DPPA2: variants seen among roughly 807,000 people sequenced by gnomAD.
The protein encoded by DPPA2 is developmental pluripotency-associated protein 2.
Under a neutral mutation model 36.2 loss-of-function variants are expected in DPPA2, and 26 were observed. The ratio of observed to expected loss-of-function variants is 0.72; its 90% CI spans 0.53 to 1.00. The LOEUF is 1.00. Among genes scored for constraint, DPPA2 ranks in the 50% least tolerant of loss-of-function variants. The probability of loss-of-function intolerance (pLI) is 0.00; values close to 1 mark genes in which losing one functional copy is unlikely to be tolerated. For missense variants in DPPA2, 361 were observed against 365.1 expected (o/e 0.99, Z 0.09); for synonymous variants, 113 against 123.2 (o/e 0.92, Z 0.55).
chr3:109,297,719 G>A (rs1707379175), intron 8 of DPPA2, among the ~76,000 whole-genome samples: 1 of 152,168 alleles, frequency 6.6e-6, no homozygotes, highest in Non-Finnish European at 1.5e-5. Flanking sequence ...GACAACACAT[G>A]GAGGAATCTT....
At position 109,314,527 on chromosome 3, in the gene DPPA2, A is replaced by G. The variant is rs138023327; in HGVS notation, c.16T>C (p.Leu6=). Residue 6 remains leucine (L), a synonymous_variant, in exon 2 of 9, where the codon TTG becomes CTG. Transcript: ENST00000478945. MSDAN[L]DSSKKNFLEG... is the part of the protein sequence containing the mutation. ...AAACTTACCTTCTTGCTGCTATCCAAATTTGCATCTGACATTTTCAGCAAC... is the reference window on the plus strand; with the variant it reads ...AAACTTACCTTCTTGCTGCTATCCAGATTTGCATCTGACATTTTCAGCAAC... 8,354 of 1,610,348 alleles carry G rather than the reference A, an allele frequency of 5.2e-3. 30 individuals carry two copies. The highest frequency in any genetic ancestry group is 6.3e-3 in the Non-Finnish European group (7,452 of 1,177,450).
At position 109,304,569 on chromosome 3, in the gene DPPA2, G is replaced by A. The variant is rs1707515092; in HGVS notation, c.760C>T (p.His254Tyr). ...AAGAAGAGAGAAATCATCCTCCTGTGAGTGGTAGGCACCCAGGCCTGACCT... is the reference window on the plus strand; with the variant it reads ...AAGAAGAGAGAAATCATCCTCCTGTAAGTGGTAGGCACCCAGGCCTGACCT... ...HAGQAWVPTTHRRMISLFLLP... is the reference protein window; with the variant it reads ...HAGQAWVPTTYRRMISLFLLP... Residue 254 changes from histidine (H) to tyrosine (Y), a missense_variant, in exon 7 of 9, where the codon CAC (histidine) becomes TAC (tyrosine). By Grantham distance (83) the His-to-Tyr change is moderately conservative (BLOSUM62 2). Coordinates refer to ENST00000478945, the MANE Select transcript of DPPA2 (RefSeq NM_138815.4). 1.2e-6 allele frequency: 2 copies of A among 1,613,992 alleles called. No individual in the cohort carries two copies. Among genetic ancestry groups the A allele is most frequent in the African/African-American group, 2.7e-5 (2 of 74,902 alleles).
intron 5 of DPPA2, 84 bp downstream of exon 5, chr3:109,308,942 A>G (rs1707635777): frequency 2.0e-6 from 3 of 1,506,918 alleles, no homozygotes; most frequent in African/African-American, 1.4e-5. Flanking sequence ...TAGAGGTACA[A>G]CACATAGATA....
intron 8 of DPPA2, among the ~76,000 whole-genome samples, chr3:109,295,858 C>T (rs1018159447): frequency 6.6e-6 from 1 of 151,862 alleles, no homozygotes; most frequent in Non-Finnish European, 1.5e-5. Flanking sequence ...GATGGAAATT[C>T]CAAGAATCAA....
chr3:109,299,758 T>TG (rs889219270), intron 8 of DPPA2, among the ~76,000 whole-genome samples: 6 of 149,870 alleles, frequency 4.0e-5, no homozygotes, highest in African/African-American at 1.5e-4. Flanking sequence ...CATTAGTTTT[T>TG]TTTTTTTTTT....
intron 8 of DPPA2, among the ~76,000 whole-genome samples, chr3:109,298,435 C>T (rs995881032): frequency 2.6e-5 from 4 of 152,008 alleles, no homozygotes; most frequent in Non-Finnish European, 5.9e-5. Flanking sequence ...AATAAAATAG[C>T]CGGGCACGGT....
intron 7 of DPPA2, 67 bp downstream of exon 7, chr3:109,304,408 T>C (rs1707511284): frequency 6.9e-7 from 1 of 1,449,540 alleles, no homozygotes; most frequent in Admixed American, 2.4e-5. Flanking sequence ...ACTGTTAAAT[T>C]ATTTAGAAAT....
chr3:109,301,319 G>T (rs572107513), intron 7 of DPPA2, among the ~76,000 whole-genome samples: 1 of 151,984 alleles, frequency 6.6e-6, no homozygotes, highest in East Asian at 1.9e-4. Context: ...TCTTCATGCA[G>T]CTCCTCCCCA....
intron 3 of DPPA2, among the ~76,000 whole-genome samples, chr3:109,309,550 C>A (rs991228871): frequency 6.6e-6 from 1 of 151,236 alleles, no homozygotes. Context: ...CTTAGCCGGG[C>A]GTGCTGGCGG....
intron 2 of DPPA2, among the ~76,000 whole-genome samples, chr3:109,312,925 T>C (rs556447070): frequency 1.4e-4 from 22 of 151,960 alleles, no homozygotes; most frequent in Non-Finnish European, 2.6e-4. Flanking sequence ...AAAGAGAAAA[T>C]AGAAGGGTAG....
chr3:109,308,368 C>CTTT, intron 5 of DPPA2, 75 bp from the exon 6 acceptor site: 1 of 1,125,814 alleles, frequency 8.9e-7, no homozygotes, highest in Non-Finnish European at 1.2e-6. Context: ...TTTTATTATT[C>CTTT]TTTTTTTTTT....
At chr3:109,301,050 C>T (rs1707449299) in intron 7 of DPPA2, among the ~76,000 whole-genome samples, 1 of 150,020 alleles carries the variant, frequency 6.7e-6, no homozygotes, top group Non-Finnish European at 1.5e-5. Flanking sequence ...GTGGCACTAT[C>T]ACAGTTCACT....
At chr3:109,307,886 T>C (rs1021678004) in intron 6 of DPPA2, 146 bp downstream of exon 6, 38 of 1,102,248 alleles carry the variant, frequency 3.4e-5, no homozygotes, top group African/African-American at 6.4e-5. Flanking sequence ...ATATGACAGA[T>C]AGAAGAAAGA....
At chr3:109,307,919 T>C in intron 6 of DPPA2, 113 bp downstream of exon 6, 1 of 1,355,426 alleles carries the variant, frequency 7.4e-7, no homozygotes, top group Non-Finnish European at 9.9e-7. Context: ...ATCCAATTTC[T>C]AATCTTCAGA....
chr3:109,307,847 C>G (rs1349357726), intron 6 of DPPA2, among the ~76,000 whole-genome samples, 185 bp downstream of exon 6: 1 of 152,050 alleles, frequency 6.6e-6, no homozygotes, highest in Non-Finnish European at 1.5e-5. Flanking sequence ...ATTTAGAGAC[C>G]CATCCAGACA....
chr3:109,311,751 T>TAA (rs879752448), intron 3 of DPPA2, among the ~76,000 whole-genome samples: 35 of 141,474 alleles, frequency 2.5e-4, no homozygotes, highest in African/African-American at 9.1e-4. Context: ...CAGAAAAATT[T>TAA]AAAAAAAAAA....
Position 109,312,645 on chromosome 3 carries a change from T to C in DPPA2, c.81A>G (p.Thr27=), listed in dbSNP as rs1165465469. The C allele has an allele frequency of 1.2e-6, 2 of 1,613,978 alleles. No individual in the cohort carries two copies. The highest frequency in any genetic ancestry group is 4.5e-5 in the East Asian group (2 of 44,870). ...EVDDEESVIL[T]LVPVKDDANM... ...TTGCGTCATCTTTAACTGGCACCAGTGTCAAAATCACACTTTCCTCATCAT... is the reference window on the plus strand; with the variant it reads ...TTGCGTCATCTTTAACTGGCACCAGCGTCAAAATCACACTTTCCTCATCAT... Residue 27 remains threonine (T), a synonymous_variant, in exon 3 of 9, where the codon ACA becomes ACG. Coordinates refer to ENST00000478945, the MANE Select transcript of DPPA2 (RefSeq NM_138815.4).
At chr3:109,300,732 T>C (rs1452116011) in intron 7 of DPPA2, among the ~76,000 whole-genome samples, 1 of 128,740 alleles carries the variant, frequency 7.8e-6, no homozygotes, top group East Asian at 2.1e-4. Context: ...TGAGACCGGA[T>C]AATTGTTTGA....
chr3:109,311,503 G>T (rs373837531), intron 3 of DPPA2, among the ~76,000 whole-genome samples: 1 of 152,172 alleles, frequency 6.6e-6, no homozygotes, highest in Non-Finnish European at 1.5e-5. Flanking sequence ...ACTTTGGGAG[G>T]CCAAGGTGGG....
Sources: gnomAD v4.1 joint callset for allele counts (sites outside exome capture counted in the v4.1 genomes callset) on GRCh38, gnomAD v4.1.1 for gene constraint, MANE v1.5 for transcripts, NCBI Gene and HGNC (gene_info 2026-07-23, HGNC 2026-07-21) for gene names.